IFNAR1: variants seen among roughly 807,000 people sequenced by gnomAD.
The protein encoded by IFNAR1 is interferon alpha and beta receptor subunit 1.
IFNAR1 carries 47 observed loss-of-function variants against 62.1 expected under a neutral mutation model. The ratio of observed to expected loss-of-function variants is 0.76; its 90% CI spans 0.60 to 0.97. The LOEUF is 0.97. Ranked by LOEUF, IFNAR1 falls within the 50% of genes least tolerant of loss-of-function variation. The probability of loss-of-function intolerance (pLI) is 0.00; values close to 1 mark genes in which losing one functional copy is unlikely to be tolerated. For missense variants in IFNAR1, 638 were observed against 654.5 expected (o/e 0.97, Z 0.27); for synonymous variants, 219 against 226.9 (o/e 0.97, Z 0.31).
At chr21:33,324,761 A>C (rs779713537), upstream of IFNAR1, 5 of 487,428 alleles carry the variant, frequency 1.0e-5, no homozygotes, top group Non-Finnish European at 1.9e-5. Context: ...AGAATGCAGG[A>C]GGCCTGCGAT....
rs536130255 is a variant in IFNAR1 at position 33,358,015 on chromosome 21, G to T, written c.*2466G>T. The T allele has an allele frequency of 1.3e-5, 2 of 152,222 alleles. No homozygotes were observed. Among genetic ancestry groups the T allele is most frequent in the Non-Finnish European group, 2.9e-5 (2 of 68,058 alleles). 9.4% of individuals were successfully genotyped at this position (152,222 alleles called of 1,614,324 possible). A position where few individuals can be genotyped will look rare whatever the true frequency, so the allele number is the denominator to read the frequency against. On this transcript the variant is annotated 3_prime_UTR_variant, in exon 11 of 11. Transcript: ENST00000270139. ...TTCAGACTGGATAGCCTAAAAAGGA[G>T]CAATGCCCTTGTAGGATGTGGAGAA... is the stretch of plus-strand genomic sequence containing the variant.
Position 33,355,563 on chromosome 21 carries a change from G to C in IFNAR1, c.*14G>C, listed in dbSNP as rs373783167. On this transcript the variant is annotated 3_prime_UTR_variant, in exon 11 of 11. Transcript: ENST00000270139. ...GACTTTGTATGACCAGAAATGAACT[G>C]TGTCAAGTATAAGGTTTTTCAGCAG... The C allele has an allele frequency of 1.6e-5, 23 of 1,435,538 alleles. No individual in the cohort carries two copies. Among genetic ancestry groups the C allele is most frequent in the Non-Finnish European group, 2.9e-6 (3 of 1,046,222 alleles). The allele number at this position is 1,435,538 out of a possible 1,614,324, so 88.9% of individuals were successfully genotyped here. A position where few individuals can be genotyped will look rare whatever the true frequency, so the allele number is the denominator to read the frequency against.
At chr21:33,333,834 AG>A (rs2083206591) in intron 1 of IFNAR1, among the ~76,000 whole-genome samples, 1 of 151,962 alleles carries the variant, frequency 6.6e-6, no homozygotes, top group Non-Finnish European at 1.5e-5. Context: ...CGTGTTAGCC[AG>A]GATGGTCTCG....
At chr21:33,332,392 CTT>C (rs1405473582) in intron 1 of IFNAR1, among the ~76,000 whole-genome samples, 1 of 152,202 alleles carries the variant, frequency 6.6e-6, no homozygotes, top group Non-Finnish European at 1.5e-5. Flanking sequence ...TAATAAAAGA[CTT>C]TATCTTTGAA....
At chr21:33,350,625 C>A (rs1409102651) in intron 8 of IFNAR1, among the ~76,000 whole-genome samples, 2 of 152,186 alleles carry the variant, frequency 1.3e-5, no homozygotes, top group African/African-American at 4.8e-5. Flanking sequence ...TCACTTCCCC[C>A]TCGTGGACTT....
upstream of IFNAR1, chr21:33,324,891 C>T (rs2083108220): frequency 2.8e-5 from 8 of 281,748 alleles, no homozygotes; most frequent in South Asian, 7.3e-5. Flanking sequence ...CGCGGAGGGG[C>T]GGTGTGTGTG....
At chr21:33,324,896 T>TGTGTGTGTGTGTGTGTGTGA, upstream of IFNAR1, 1 of 628,520 alleles carries the variant, frequency 1.6e-6, no homozygotes, top group Non-Finnish European at 2.8e-6. Context: ...AGGGGCGGTG[T>TGTGTGTGTGTGTGTGTGTGA]GTGTGTCAGA....
At chr21:33,334,365 A>T (rs939209898) in intron 1 of IFNAR1, among the ~76,000 whole-genome samples, 15 of 152,284 alleles carry the variant, frequency 9.9e-5, no homozygotes, top group African/African-American at 3.6e-4. Flanking sequence ...GTCATACACA[A>T]GGGATCTTTG....
At chr21:33,334,213 A>T (rs566960093) in intron 1 of IFNAR1, among the ~76,000 whole-genome samples, 34 of 152,292 alleles carry the variant, frequency 2.2e-4, no homozygotes, top group Non-Finnish European at 3.4e-4. Flanking sequence ...GGAAAGATAG[A>T]CTCCAATATG....
Position 33,341,001 on chromosome 21 carries a change from C to A in IFNAR1, c.203C>A (p.Thr68Asn). Reference protein sequence around the residue: ...NVTFSFDYQKTGMDNWIKLSG... With the variant: ...NVTFSFDYQKNGMDNWIKLSG... ...CATTTGTTTTTTTTACTTTAAAGAACTGGGATGGATAATTGGATAAAATTG... is the reference window on the plus strand; with the variant it reads ...CATTTGTTTTTTTTACTTTAAAGAAATGGGATGGATAATTGGATAAAATTG... Residue 68 changes from threonine (T) to asparagine (N), a missense_variant and splice_region_variant, in exon 3 of 11, where the codon ACT (threonine) becomes AAT (asparagine). By Grantham distance (65) the Thr-to-Asn change is moderately conservative. Transcript: ENST00000270139. 1.3e-6 allele frequency: 2 copies of A among 1,598,320 alleles called. No homozygotes were observed. The highest frequency in any genetic ancestry group is 1.7e-6 in the Non-Finnish European group (2 of 1,168,584).
chr21:33,352,013 G>A (rs1443639354), intron 8 of IFNAR1, among the ~76,000 whole-genome samples: 2 of 152,036 alleles, frequency 1.3e-5, no homozygotes, highest in Non-Finnish European at 1.5e-5. Flanking sequence ...TCTGGCGATA[G>A]CTGACTGATA....
At position 33,358,218 on chromosome 21, in the gene IFNAR1, A is replaced by G. The variant is rs933915128; in HGVS notation, c.*2669A>G. ...CTCGTTTTTACCTTGTCTTCTAGAC[A>G]TGAAAAGGCAGTTGCATTCCACTCT... On this transcript the variant is annotated 3_prime_UTR_variant, in exon 11 of 11. Coordinates refer to ENST00000270139, the MANE Select transcript of IFNAR1 (RefSeq NM_000629.3). The G allele has an allele frequency of 6.6e-6, 1 of 152,238 alleles. No individual in the cohort carries two copies. Among genetic ancestry groups the G allele is most frequent in the Non-Finnish European group, 1.5e-5 (1 of 68,042 alleles). The allele number at this position is 152,238 out of a possible 1,614,324, so 9.4% of individuals were successfully genotyped here.
intron 6 of IFNAR1, among the ~76,000 whole-genome samples, chr21:33,347,777 CA>C (rs1568931636): frequency 6.6e-6 from 1 of 152,092 alleles, no homozygotes; most frequent in African/African-American, 2.4e-5. Context: ...ATGTGTACAC[CA>C]GGGGGCAGGA....
intron 6 of IFNAR1, among the ~76,000 whole-genome samples, chr21:33,347,785 A>C (rs17875826): frequency 1.5e-4 from 23 of 152,220 alleles, no homozygotes; most frequent in African/African-American, 3.6e-4. Context: ...ACCAGGGGGC[A>C]GGAATCTTGG....
upstream of IFNAR1, chr21:33,324,887 G>C: frequency 1.6e-6 from 1 of 610,556 alleles, no homozygotes; most frequent in Non-Finnish European, 2.9e-6. Flanking sequence ...CGTGCGCGGA[G>C]GGGCGGTGTG....
chr21:33,339,139 G>A (rs1006308243), intron 2 of IFNAR1, among the ~76,000 whole-genome samples: 1 of 152,154 alleles, frequency 6.6e-6, no homozygotes, highest in African/African-American at 2.4e-5. Flanking sequence ...AGCATCTCCT[G>A]AAGTAGGAAA....
rs565198676 is a variant in IFNAR1, at chr21:33,357,537, T to C, written c.*1988T>C. 16 of 151,898 alleles carry C rather than the reference T, an allele frequency of 1.1e-4. No individual in the cohort carries two copies. Among genetic ancestry groups the C allele is most frequent in the East Asian group, 7.7e-4 (4 of 5,178 alleles). 9.4% of individuals were successfully genotyped at this position (151,898 alleles called of 1,614,324 possible). On this transcript the variant is annotated 3_prime_UTR_variant, in exon 11 of 11. Transcript: ENST00000270139. Reference sequence around the variant, plus strand: ...TCTTTCTGACCAGAGGCTGTTTTTTTTTTTTTTTGAGACAGTCTCATTCTG... The same window carrying C: ...TCTTTCTGACCAGAGGCTGTTTTTTCTTTTTTTTGAGACAGTCTCATTCTG...
chr21:33,343,767 A>G, intron 5 of IFNAR1, 91 bp downstream of exon 5: 1 of 756,240 alleles, frequency 1.3e-6, no homozygotes, highest in East Asian at 2.5e-5. Context: ...TTTACATGAT[A>G]GGTCAATATA....
intron 3 of IFNAR1, among the ~76,000 whole-genome samples, chr21:33,341,961 G>A (rs771543439): frequency 1.1e-4 from 16 of 152,136 alleles, no homozygotes; most frequent in African/African-American, 2.7e-4. Flanking sequence ...GATTACAGGC[G>A]TGAGCCACCA....
Sources: gnomAD v4.1 joint callset for allele counts (sites outside exome capture counted in the v4.1 genomes callset) on GRCh38, gnomAD v4.1.1 for gene constraint, MANE v1.5 for transcripts, NCBI Gene and HGNC (gene_info 2026-07-23, HGNC 2026-07-21) for gene names.